Variants in CCDC141 observed in about 807,000 individuals in gnomAD.
CCDC141 encodes coiled-coil domain containing 141.
A neutral mutation model predicts 181.0 loss-of-function variants in CCDC141; 168 were observed. That is an observed-to-expected ratio of 0.93 (90% CI 0.82 to 1.05). The LOEUF (loss-of-function observed/expected upper bound fraction) is 1.05. Ranked by LOEUF, CCDC141 falls within the 50% of genes least tolerant of loss-of-function variation. The pLI, the probability that CCDC141 is intolerant of heterozygous loss-of-function variation, is 0.00. For missense variants in CCDC141, 1,902 were observed against 1,788.5 expected (o/e 1.06, Z -1.14); for synonymous variants, 666 against 642.3 (o/e 1.04, Z -0.56).
At chr2:178,963,286 G>C (rs959636229) in intron 4 of CCDC141, among the ~76,000 whole-genome samples, 4 of 152,176 alleles carry the variant, frequency 2.6e-5, no homozygotes, top group African/African-American at 9.7e-5. Context: ...AAGGCAATGA[G>C]AAGTGAGAAG....
chr2:178,850,656 G>A (rs549220481), intron 20 of CCDC141, among the ~76,000 whole-genome samples: 6 of 152,110 alleles, frequency 3.9e-5, no homozygotes, highest in Non-Finnish European at 5.9e-5. Context: ...CAGGACTACT[G>A]TCCCTCCACT....
chr2:178,923,099 T>TA (rs1688765279), intron 6 of CCDC141, among the ~76,000 whole-genome samples: 1 of 150,654 alleles, frequency 6.6e-6, no homozygotes, highest in East Asian at 2.0e-4. Context: ...CCAGTTTATT[T>TA]TTTTTTTTTC....
chr2:178,985,641 A>G (rs1199037474), intron 2 of CCDC141, among the ~76,000 whole-genome samples: 1 of 152,146 alleles, frequency 6.6e-6, no homozygotes, highest in Non-Finnish European at 1.5e-5. Context: ...GGATATCACC[A>G]CCGATCCCAC....
Position 178,849,978 on chromosome 2 carries a change from C to G in CCDC141, c.3357+71G>C. On this transcript the variant is annotated intron_variant, in intron 21 of 23. Transcript: ENST00000443758. ...AAATTCTGTTAAAATGTCTTTGCAC[C>G]AGAAGACATTTGATTAACACATTTT... is the stretch of plus-strand genomic sequence containing the variant. The G allele has an allele frequency of 7.4e-6, 6 of 811,686 alleles. No homozygotes were observed. In the South Asian group the frequency reaches 9.9e-5, roughly 13 times the overall value. 50.3% of individuals were successfully genotyped at this position (811,686 alleles called of 1,614,324 possible).
Position 178,831,038 on chromosome 2 carries a change from G to A in CCDC141, c.*3135C>T, listed in dbSNP as rs1648978338. 2.0e-5 allele frequency: 3 copies of A among 152,106 alleles called. No homozygotes were observed. Among genetic ancestry groups the A allele is most frequent in the African/African-American group, 7.2e-5 (3 of 41,398 alleles). The allele number at this position is 152,106 out of a possible 1,614,324, so 9.4% of individuals were successfully genotyped here. ...AAATTTGAGCAAAGCAGTTAGAAGG[G>A]TCTTGTAGTCATCTATTTTAAGTAT... On this transcript the variant is annotated 3_prime_UTR_variant, in exon 24 of 24. Transcript: ENST00000443758.
In CCDC141 at chr2:178,837,715, G is replaced by A. The variant is rs376409802; in HGVS notation, c.3504C>T (p.Gly1168=). Residue 1168 remains glycine, a synonymous_variant, in exon 23 of 24, where the codon GGC becomes GGT. Transcript: ENST00000443758. The stretch of plus-strand genomic sequence containing the variant: ...GTCGCTCTTCCCCTGTTCCATTGAT[G>A]CCCAAAAGATCTGCCACCTGCACCT... ...KGQVQVADLL[G]INGTGEERLP... 3 of 1,612,460 alleles carry A rather than the reference G, an allele frequency of 1.9e-6. No homozygotes were observed. Among genetic ancestry groups the A allele is most frequent in the South Asian group, 2.2e-5 (2 of 90,766 alleles).
At chr2:178,971,624 A>G (rs1397678538) in intron 4 of CCDC141, among the ~76,000 whole-genome samples, 5 of 152,242 alleles carry the variant, frequency 3.3e-5, no homozygotes, top group Admixed American at 2.6e-4. Flanking sequence ...ATGCACATGT[A>G]TGTTTATTGC....
intron 7 of CCDC141, among the ~76,000 whole-genome samples, chr2:178,909,536 C>T (rs1268963748): frequency 1.3e-5 from 2 of 152,206 alleles, no homozygotes; most frequent in Non-Finnish European, 2.9e-5. Context: ...AAGCTACTTT[C>T]AAGAAGACTG....
intron 6 of CCDC141, among the ~76,000 whole-genome samples, chr2:178,931,905 C>T (rs909509005): frequency 4.6e-5 from 7 of 152,040 alleles, no homozygotes; most frequent in Non-Finnish European, 8.8e-5. Context: ...GTGACTCACG[C>T]GTGTAATCCC....
chr2:178,961,024 A>C (rs1394038759), intron 5 of CCDC141, among the ~76,000 whole-genome samples: 1 of 152,222 alleles, frequency 6.6e-6, no homozygotes, highest in East Asian at 1.9e-4. Flanking sequence ...CATTTATACA[A>C]TCAACAGTAT....
At position 178,945,678 on chromosome 2, in the gene CCDC141, A is replaced by G. The variant is rs77052102; in HGVS notation, c.781-1027T>C. ...TAGCAGCCCATTCAAAATAATGGGC[A>G]TATAAATCCCAAGCCTGATACTATG... On this transcript the variant is annotated intron_variant, in intron 5 of 23. Coordinates refer to ENST00000443758, the MANE Select transcript of CCDC141 (RefSeq NM_173648.4). 9.5e-3 allele frequency among the ~76,000 whole-genome samples: 1,445 copies of G among 152,282 alleles called. 29 individuals carry two copies. The highest frequency in any genetic ancestry group is 0.033 in the African/African-American group (1,374 of 41,552).
At chr2:178,841,740 G>A (rs1268570878) in intron 22 of CCDC141, among the ~76,000 whole-genome samples, 1 of 152,172 alleles carries the variant, frequency 6.6e-6, no homozygotes, top group Non-Finnish European at 1.5e-5. Flanking sequence ...CATCTCCCAA[G>A]TTCAAATGAT....
At chr2:178,854,177 G>T (rs1685284487) in intron 19 of CCDC141, among the ~76,000 whole-genome samples, 1 of 152,220 alleles carries the variant, frequency 6.6e-6, no homozygotes, top group Non-Finnish European at 1.5e-5. Context: ...CCTTTGCTTA[G>T]TAGAAAATGG....
In CCDC141 at chr2:178,833,780, T is replaced by C. The variant is rs1201041911; in HGVS notation, c.*393A>G. 4 of 166,864 alleles carry C rather than the reference T, an allele frequency of 2.4e-5. No homozygotes were observed. The highest frequency in any genetic ancestry group is 9.6e-5 in the African/African-American group (4 of 41,730). The allele number at this position is 166,864 out of a possible 1,614,324, so 10.3% of individuals were successfully genotyped here. ...TCTACTGATATTCCCTACAAAGGGATGTTTTAAAATACAATTAAAAATATA... is the reference window on the plus strand; with the variant it reads ...TCTACTGATATTCCCTACAAAGGGACGTTTTAAAATACAATTAAAAATATA... On this transcript the variant is annotated 3_prime_UTR_variant, in exon 24 of 24. Coordinates refer to ENST00000443758, the MANE Select transcript of CCDC141 (RefSeq NM_173648.4).
intron 4 of CCDC141, among the ~76,000 whole-genome samples, chr2:178,972,036 C>T (rs985189469): frequency 6.6e-6 from 1 of 151,746 alleles, no homozygotes; most frequent in African/African-American, 2.4e-5. Flanking sequence ...AACAAAACTG[C>T]ACGTTCTGAA....
intron 7 of CCDC141, 66 bp from the exon 8 acceptor site, chr2:178,905,567 A>G: frequency 2.2e-6 from 3 of 1,353,356 alleles, no homozygotes; most frequent in Non-Finnish European, 3.0e-6. Flanking sequence ...ACGTGTACAC[A>G]AAACACTGGC....
intron 8 of CCDC141, among the ~76,000 whole-genome samples, chr2:178,898,297 C>T (rs745946573): frequency 6.6e-6 from 1 of 152,144 alleles, no homozygotes; most frequent in African/African-American, 2.4e-5. Flanking sequence ...TTTTCCATCA[C>T]GTTATGAGGC....
chr2:178,880,423 T>C (rs78203729), intron 11 of CCDC141, among the ~76,000 whole-genome samples: 11,005 of 151,904 alleles, frequency 0.072, 589 homozygotes, highest in Admixed American at 0.16. Flanking sequence ...AAGGGGGAAA[T>C]ATAGGAGGCA....
chr2:178,968,777 C>T (rs921656079), intron 4 of CCDC141, among the ~76,000 whole-genome samples: 1 of 151,828 alleles, frequency 6.6e-6, no homozygotes, highest in African/African-American at 2.4e-5. Flanking sequence ...AAAAAGCCTT[C>T]AATAAATCAA....
Sources: gnomAD v4.1 joint callset for allele counts (sites outside exome capture counted in the v4.1 genomes callset) on GRCh38, gnomAD v4.1.1 for gene constraint, MANE v1.5 for transcripts, NCBI Gene and HGNC (gene_info 2026-07-23, HGNC 2026-07-21) for gene names.